The following SND1 variants were observed in gnomAD, a reference collection of about 807,000 sequenced individuals.
The protein encoded by SND1 is staphylococcal nuclease and tudor domain containing 1.
In SND1, 38 loss-of-function variants were observed where a neutral mutation model predicts 121.7. The observed-to-expected ratio is 0.31, with a 90% CI of 0.24 to 0.41. SND1 has a LOEUF of 0.41. Among genes scored for constraint, SND1 ranks in the 10% least tolerant of loss-of-function variants. The probability of loss-of-function intolerance (pLI) is 1.00; values close to 1 mark genes in which losing one functional copy is unlikely to be tolerated. For synonymous variants in SND1, 401 were observed against 447.4 expected (o/e 0.90, Z 1.31); for missense variants, 868 against 1,184.6 (o/e 0.73, Z 3.92).
rs555396402 is a variant in SND1 at position 127,667,792 on chromosome 7, G to A, written c.78+15341G>A. Among the ~76,000 whole-genome samples the A allele has an allele frequency of 3.9e-5, 6 of 152,288 alleles. No homozygotes were observed. In the South Asian group the frequency reaches 1.2e-3, roughly 32 times the overall value. On this transcript the variant is annotated intron_variant, in intron 1 of 23. Coordinates refer to ENST00000354725, the MANE Select transcript of SND1 (RefSeq NM_014390.4). ...CCTTGGAATTGTTAATCCCACTCTT[G>A]ACAGGCACAAGAACACATCTGTATT... is the stretch of plus-strand genomic sequence containing the variant.
In SND1 at chr7:128,029,635, G is replaced by C. The variant is rs2116982724; in HGVS notation, c.1779+38579G>C. The C allele has an allele frequency of 6.2e-7, 1 of 1,613,972 alleles. No individual in the cohort carries two copies. The highest frequency in any genetic ancestry group is 1.1e-5 in the South Asian group (1 of 91,070). On this transcript the variant is annotated intron_variant, in intron 16 of 23. Coordinates refer to ENST00000354725, the MANE Select transcript of SND1 (RefSeq NM_014390.4). The surrounding 1 kb of genome is among the most constrained non-coding windows in gnomAD (Gnocchi z 4.2). ...TCCACCTCCACGAGGTAGCGGCCTC[G>C]CATGTGCATGGGAGCATGACAGCGG...
At chr7:128,084,540 T>C (rs921876195) in intron 18 of SND1, among the ~76,000 whole-genome samples, 184 bp from the exon 19 acceptor site, 1 of 152,216 alleles carries the variant, frequency 6.6e-6, no homozygotes, top group Non-Finnish European at 1.5e-5. Flanking sequence ...TGAAGGCAGA[T>C]GGCATGAAAC....
Position 127,954,703 on chromosome 7 carries a change from T to A in SND1, c.1669+25374T>A, listed in dbSNP as rs115345311. Among the ~76,000 whole-genome samples the A allele has an allele frequency of 5.8e-3, 884 of 152,232 alleles. 7 individuals carry two copies. Among genetic ancestry groups the A allele is most frequent in the African/African-American group, 0.02 (834 of 41,536 alleles). Reference sequence around the variant, plus strand: ...ATGATTGATATTTAATATATCCCTCTCCAGGGAGCTGGAGAGCTTCATTGA... The same window carrying A: ...ATGATTGATATTTAATATATCCCTCACCAGGGAGCTGGAGAGCTTCATTGA... On this transcript the variant is annotated intron_variant, in intron 15 of 23. Transcript: ENST00000354725.
At chr7:127,906,397 G>A (rs1800341090) in intron 14 of SND1, among the ~76,000 whole-genome samples, 1 of 152,040 alleles carries the variant, frequency 6.6e-6, no homozygotes, top group Non-Finnish European at 1.5e-5. Context: ...CATATATATT[G>A]CTAATATTTT....
At chr7:127,851,224 G>C (rs908150609) in intron 12 of SND1, among the ~76,000 whole-genome samples, 9 of 152,016 alleles carry the variant, frequency 5.9e-5, no homozygotes, top group African/African-American at 2.2e-4. Context: ...TTTTTATACT[G>C]TCAGTTGAGT....
At chr7:127,850,642 T>C (rs1039062072) in intron 12 of SND1, among the ~76,000 whole-genome samples, 6 of 152,174 alleles carry the variant, frequency 3.9e-5, no homozygotes, top group Non-Finnish European at 7.3e-5. Flanking sequence ...TTTTTCCACT[T>C]AAATCAGTAA....
intron 9 of SND1, among the ~76,000 whole-genome samples, chr7:127,709,926 A>C (rs13236338): frequency 0.21 from 32,200 of 152,118 alleles, 3,996 homozygotes; most frequent in Middle Eastern, 0.32. Context: ...GGAAAAAAAC[A>C]TAAAGAAGAT....
intron 11 of SND1, among the ~76,000 whole-genome samples, chr7:127,835,337 T>C: frequency 6.6e-6 from 1 of 152,164 alleles, no homozygotes; most frequent in East Asian, 1.9e-4. Context: ...TGGCTGGAAC[T>C]CCTCCAGGGA....
chr7:128,042,056 C>G (rs1277680404), intron 16 of SND1, among the ~76,000 whole-genome samples: 2 of 152,172 alleles, frequency 1.3e-5, no homozygotes, highest in African/African-American at 4.8e-5. Flanking sequence ...ACACTGGCAG[C>G]CTGGCTAGAA....
At chr7:127,873,188 A>T (rs937229210) in intron 12 of SND1, among the ~76,000 whole-genome samples, 1 of 152,114 alleles carries the variant, frequency 6.6e-6, no homozygotes, top group African/African-American at 2.4e-5. Context: ...TTTTCTGAGC[A>T]GGGTGACTGA....
chr7:128,017,182 G>T (rs1277523036), intron 16 of SND1, among the ~76,000 whole-genome samples: 1 of 152,184 alleles, frequency 6.6e-6, no homozygotes, highest in African/African-American at 2.4e-5. Context: ...CTGCAGTGAG[G>T]TGTGATTCAG....
At chr7:127,700,113 G>A (rs929548446) in intron 4 of SND1, among the ~76,000 whole-genome samples, 3 of 152,130 alleles carry the variant, frequency 2.0e-5, no homozygotes, top group African/African-American at 7.2e-5. Context: ...TATTTTGGGG[G>A]AATTCAGTTT....
intron 20 of SND1, chr7:128,086,624 C>T: frequency 7.4e-6 from 3 of 408,158 alleles, no homozygotes; most frequent in Middle Eastern, 7.7e-4. Context: ...ATGTCACAGA[C>T]AGAAGGGCAT....
chr7:127,970,082 C>G (rs1388215216), intron 15 of SND1, among the ~76,000 whole-genome samples: 2 of 152,046 alleles, frequency 1.3e-5, no homozygotes, highest in African/African-American at 2.4e-5. Flanking sequence ...ACTTGTTGTA[C>G]TTTAAAAAAC....
At chr7:127,948,116 G>C (rs1801372929) in intron 15 of SND1, among the ~76,000 whole-genome samples, 1 of 152,178 alleles carries the variant, frequency 6.6e-6, no homozygotes, top group Non-Finnish European at 1.5e-5. Context: ...GTTGATAATG[G>C]AAAGTTTAGT....
intron 15 of SND1, among the ~76,000 whole-genome samples, chr7:127,953,756 A>G (rs1182472924): frequency 6.6e-6 from 1 of 152,184 alleles, no homozygotes. Context: ...TTGGAAAACA[A>G]GTCTTGTTAA....
intron 10 of SND1, among the ~76,000 whole-genome samples, chr7:127,758,944 C>T (rs1193249146): frequency 2.6e-5 from 4 of 152,054 alleles, no homozygotes; most frequent in Non-Finnish European, 4.4e-5. Flanking sequence ...GTCCTGGCTC[C>T]TCGGGAGACA....
chr7:127,836,853 T>C (rs950691109), intron 11 of SND1, among the ~76,000 whole-genome samples: 1 of 152,164 alleles, frequency 6.6e-6, no homozygotes, highest in Non-Finnish European at 1.5e-5. Context: ...AATTCAGCTA[T>C]TGAATTGGTA....
chr7:127,829,696 A>G (rs1798705923), intron 11 of SND1, among the ~76,000 whole-genome samples: 1 of 152,228 alleles, frequency 6.6e-6, no homozygotes, highest in African/African-American at 2.4e-5. Context: ...TATCCTTACA[A>G]TCAGTACATT....
Sources: allele counts gnomAD v4.1 joint callset (sites outside exome capture counted in the v4.1 genomes callset), GRCh38; gene constraint gnomAD v4.1.1; non-coding constraint Gnocchi (gnomAD v3.1); transcripts MANE v1.5; gene names NCBI Gene and HGNC (gene_info 2026-07-23, HGNC 2026-07-21).